The following BIRC6 variants were observed in gnomAD, a reference collection of about 807,000 sequenced individuals.
The protein encoded by BIRC6 is baculoviral IAP repeat containing 6.
BIRC6 carries 98 observed loss-of-function variants against 503.3 expected under a neutral mutation model. That is an observed-to-expected ratio of 0.19 (90% CI 0.17 to 0.23). BIRC6 has a LOEUF of 0.23. Among genes scored for constraint, BIRC6 ranks in the 10% least tolerant of loss-of-function variants. BIRC6 has a pLI of 1.00. For synonymous variants in BIRC6, 2,240 were observed against 2,078.7 expected, an observed-to-expected ratio of 1.08 and a Z score of -2.11; for missense variants, 5,360 against 5,806.0, an observed-to-expected ratio of 0.92 and a Z score of 2.50.
At chr2:32,427,238 T>C (rs1344131141) in intron 10 of BIRC6, among the ~76,000 whole-genome samples, 1 of 152,070 alleles carries the variant, frequency 6.6e-6, no homozygotes, top group Non-Finnish European at 1.5e-5. Context: ...GTTCTTAATA[T>C]TTTATCTGTC....
At chr2:32,455,334 C>T (rs757928851) in intron 23 of BIRC6, among the ~76,000 whole-genome samples, 4 of 144,250 alleles carry the variant, frequency 2.8e-5, no homozygotes, top group Admixed American at 7.1e-5. Context: ...GAGCTGAGAT[C>T]GCGCTACTGC....
In BIRC6 at chr2:32,490,055, T is replaced by C; in HGVS notation, c.8110T>C (p.Phe2704Leu). Residue 2704 changes from phenylalanine to leucine, a missense_variant, in exon 43 of 74, where the codon TTT becomes CTT. Around this residue, in one of 16 missense-constraint regions of BIRC6, gnomAD observed 2,299 missense variants for 2,267.2 expected, o/e 1.01. Coordinates refer to ENST00000421745, the MANE Select transcript of BIRC6 (RefSeq NM_016252.4). ...TTTCTGCATAGCATCAATAACTAGC[T>C]TTCTCACAGTGTTAGCTTGGTATCC... Reference protein sequence around the residue: ...ISLNQASITSFLTVLAWYPNT... With the variant: ...ISLNQASITSLLTVLAWYPNT... 1 of 1,610,874 alleles carries C rather than the reference T, an allele frequency of 6.2e-7. No individual in the cohort carries two copies. The highest frequency in any genetic ancestry group is 1.1e-5 in the South Asian group (1 of 90,930).
intron 8 of BIRC6, among the ~76,000 whole-genome samples, chr2:32,404,455 C>T (rs1484172446): frequency 6.6e-6 from 1 of 151,562 alleles, no homozygotes; most frequent in Non-Finnish European, 1.5e-5. Flanking sequence ...GTAGCTGGGA[C>T]TGACCCGTGC....
At chr2:32,557,955 A>G (rs1027790393) in intron 65 of BIRC6, 7 of 152,212 alleles carry the variant, frequency 4.6e-5, no homozygotes, top group African/African-American at 1.4e-4. Context: ...GAAAATTGCT[A>G]GAAAATACTA....
intron 65 of BIRC6, among the ~76,000 whole-genome samples, chr2:32,568,354 A>G (rs541381494): frequency 6.6e-6 from 1 of 151,378 alleles, no homozygotes; most frequent in Non-Finnish European, 1.5e-5. Flanking sequence ...TTAACTGGAC[A>G]TGGTGGCATG....
intron 73 of BIRC6, among the ~76,000 whole-genome samples, chr2:32,613,465 T>G (rs1185123155): frequency 6.6e-6 from 1 of 151,820 alleles, no homozygotes; most frequent in Non-Finnish European, 1.5e-5. Flanking sequence ...ACTGCAGCCT[T>G]AACCTCCTGG....
intron 49 of BIRC6, among the ~76,000 whole-genome samples, chr2:32,504,064 G>A (rs2053524578): frequency 6.7e-6 from 1 of 148,430 alleles, no homozygotes; most frequent in African/African-American, 2.5e-5. Flanking sequence ...GTGTGTGTGT[G>A]TGTGTGTGTG....
rs764442687 is a variant in BIRC6, at chr2:32,479,622, A to C, written c.7408+5A>C. The C allele has an allele frequency of 3.8e-6, 6 of 1,584,642 alleles. No homozygotes were observed. Among genetic ancestry groups the C allele is most frequent in the Non-Finnish European group, 5.2e-6 (6 of 1,158,910 alleles). Reference sequence around the variant, plus strand: ...CTTTGACACATGACATAACAGGTAAAGTTTTACATTATGTTTCTTCTTTAT... The same window carrying C: ...CTTTGACACATGACATAACAGGTAACGTTTTACATTATGTTTCTTCTTTAT... On this transcript the variant is annotated splice_donor_5th_base_variant and intron_variant, in intron 37 of 73. Transcript: ENST00000421745.
Position 32,404,277 on chromosome 2 carries a change from A to G in BIRC6, c.1419-2222A>G, listed in dbSNP as rs187104803. On this transcript the variant is annotated intron_variant, in intron 8 of 73. Coordinates refer to ENST00000421745, the MANE Select transcript of BIRC6 (RefSeq NM_016252.4). ...TATTGAAGTGTAATTTTCAAACCAT[A>G]CAATTCATGTAAGTGTACAATTTAG... Among the ~76,000 whole-genome samples, 17 of 152,036 alleles carry G rather than the reference A, an allele frequency of 1.1e-4. No individual in the cohort carries two copies. In the South Asian group the frequency reaches 2.1e-3, roughly 19 times the overall value.
rs555809272 is a variant in BIRC6 at position 32,494,472 on chromosome 2, C to T, written c.8468+805C>T. Among the ~76,000 whole-genome samples the T allele has an allele frequency of 3.8e-3, 576 of 151,766 alleles. 4 individuals carry two copies. Among genetic ancestry groups the T allele is most frequent in the Middle Eastern group, 0.017 (5 of 290 alleles). On this transcript the variant is annotated intron_variant, in intron 45 of 73. Transcript: ENST00000421745. ...CGATCTCCTGACCTCGTGATCCGCCCGCCTCAGCCTCCCAAAGTGCTGGGA... is the reference window on the plus strand; with the variant it reads ...CGATCTCCTGACCTCGTGATCCGCCTGCCTCAGCCTCCCAAAGTGCTGGGA...
At chr2:32,435,273 T>G (rs2044573812) in intron 13 of BIRC6, among the ~76,000 whole-genome samples, 1 of 152,204 alleles carries the variant, frequency 6.6e-6, no homozygotes. Context: ...AATATTTTAT[T>G]ACCGTTAAAA....
chr2:32,599,809 A>G lies in BIRC6; in HGVS notation c.13901A>G (p.Gln4634Arg). The G allele has an allele frequency of 1.2e-6, 2 of 1,613,892 alleles. No homozygotes were observed. The highest frequency in any genetic ancestry group is 1.7e-6 in the Non-Finnish European group (2 of 1,179,820). ...TTTGAGTTTGATGTGTATTTTCCTC[A>G]AGATTATCCCAGTTCACCCCCTCTT... is the stretch of plus-strand genomic sequence containing the variant. The part of the protein sequence containing the change: ...GCFEFDVYFP[Q>R]DYPSSPPLVN... Residue 4634 changes from glutamine to arginine, a missense_variant, in exon 70 of 74, where the codon CAA becomes CGA. This residue lies in a region of BIRC6 where 66 missense variants were observed against 113.2 expected (regional missense o/e 0.58). Transcript: ENST00000421745.
rs1321834468 is a variant in BIRC6 at position 32,463,324 on chromosome 2, G to A, written c.4884G>A (p.Glu1628=). 6.2e-6 allele frequency: 10 copies of A among 1,613,656 alleles called. No individual in the cohort carries two copies. The highest frequency in any genetic ancestry group is 7.6e-6 in the Non-Finnish European group (9 of 1,179,784). ...TCTCTCATGCAATGGCTTCAGCCGA[G>A]CAACAGCTACAGGTGCTGCAAGAGA... ...QSLSHAMASA[E]QQLQVLQEKQ... The change falls in exon 24 of 74, where the codon GAG becomes GAA. Residue 1628 remains glutamate (E), a synonymous_variant. Coordinates refer to ENST00000421745, the MANE Select transcript of BIRC6 (RefSeq NM_016252.4).
At position 32,488,676 on chromosome 2, in the gene BIRC6, A is replaced by G; in HGVS notation, c.8057A>G (p.Tyr2686Cys). ...GAAAATGGAGCAGACATATTTTTATATAATGCTAATAGGATACCTGTTATT... is the reference window on the plus strand; with the variant it reads ...GAAAATGGAGCAGACATATTTTTATGTAATGCTAATAGGATACCTGTTATT... The part of the protein sequence containing the change: ...NKENGADIFL[Y>C]NANRIPVISL... The change falls in exon 42 of 74, where the codon TAT becomes TGT. Residue 2686 changes from tyrosine to cysteine, a missense_variant. Around this residue, in one of 16 missense-constraint regions of BIRC6, gnomAD observed 2,299 missense variants for 2,267.2 expected, o/e 1.01. Transcript: ENST00000421745. 1.4e-6 allele frequency: 2 copies of G among 1,470,842 alleles called. No individual in the cohort carries two copies. Among genetic ancestry groups the G allele is most frequent in the South Asian group, 1.2e-5 (1 of 81,602 alleles). The allele number at this position is 1,470,842 out of a possible 1,614,324, so 91.1% of individuals were successfully genotyped here. A position where few individuals can be genotyped will look rare whatever the true frequency, so the allele number is the denominator to read the frequency against.
At position 32,607,546 on chromosome 2, in the gene BIRC6, C is replaced by A; in HGVS notation, c.14162C>A (p.Thr4721Lys). 6.2e-7 allele frequency: 1 copy of A among 1,613,770 alleles called. No homozygotes were observed. The highest frequency in any genetic ancestry group is 8.5e-7 in the Non-Finnish European group (1 of 1,179,752). ...YERSRGTPSG[T>K]QSSREYDGNI... is the part of the protein sequence containing the mutation. ...CGGTCTAGAGGCACTCCCAGTGGCA[C>A]ACAGAGTTCTCGAGAATATGATGGA... The change falls in exon 72 of 74, where the codon ACA (threonine) becomes AAA (lysine). Residue 4721 changes from threonine (T) to lysine (K), a missense_variant. Transcript: ENST00000421745.
At chr2:32,596,626 G>C (rs545730029) in intron 68 of BIRC6, among the ~76,000 whole-genome samples, 1 of 152,162 alleles carries the variant, frequency 6.6e-6, no homozygotes, top group Non-Finnish European at 1.5e-5. Flanking sequence ...GGGGAAGAGT[G>C]TCAGAAAAGA....
intron 61 of BIRC6, among the ~76,000 whole-genome samples, chr2:32,540,556 C>G (rs185608776): frequency 6.6e-6 from 1 of 152,072 alleles, no homozygotes; most frequent in East Asian, 1.9e-4. Flanking sequence ...TCAGTTTTGA[C>G]TTTCAAAATG....
chr2:32,556,397 T>G (rs904880366), intron 65 of BIRC6, among the ~76,000 whole-genome samples: 3 of 152,198 alleles, frequency 2.0e-5, no homozygotes, highest in Non-Finnish European at 2.9e-5. Flanking sequence ...GCGTAGTCCT[T>G]TCTCTCCTAT....
chr2:32,417,999 C>G (rs1006744031), intron 10 of BIRC6, among the ~76,000 whole-genome samples: 2 of 152,158 alleles, frequency 1.3e-5, no homozygotes, highest in African/African-American at 4.8e-5. Context: ...AGTCTGGTCT[C>G]GAACTGCTGA....
Sources: allele counts gnomAD v4.1 joint callset (sites outside exome capture counted in the v4.1 genomes callset), GRCh38; gene constraint gnomAD v4.1.1; regional missense constraint gnomAD v4.1.1; transcripts MANE v1.5; gene names NCBI Gene and HGNC (gene_info 2026-07-23, HGNC 2026-07-21).